The following ELP4 variants were observed in gnomAD, a reference collection of about 807,000 sequenced individuals.
ELP4 encodes the protein elongator acetyltransferase complex subunit 4.
In ELP4, 51 loss-of-function variants were observed where a neutral mutation model predicts 48.9. The ratio of observed to expected loss-of-function variants is 1.04; its 90% CI spans 0.83 to 1.32. The LOEUF is 1.32. Ranked by LOEUF, ELP4 falls within the 40% of genes most tolerant of loss-of-function variation. The probability of loss-of-function intolerance (pLI) is 0.00; values close to 1 mark genes in which losing one functional copy is unlikely to be tolerated. For synonymous variants in ELP4, 210 were observed against 189.2 expected (o/e 1.11, Z -0.90); for missense variants, 519 against 514.6 (o/e 1.01, Z -0.08).
At chr11:31,528,399 A>T (rs1956333724) in intron 2 of ELP4, among the ~76,000 whole-genome samples, 1 of 152,120 alleles carries the variant, frequency 6.6e-6, no homozygotes, top group Admixed American at 6.6e-5. Flanking sequence ...GAAGTAATGG[A>T]AACTCCTCAT....
At chr11:31,544,661 C>T (rs530739684) in intron 3 of ELP4, among the ~76,000 whole-genome samples, 9 of 152,338 alleles carry the variant, frequency 5.9e-5, no homozygotes, top group South Asian at 2.1e-4. Context: ...GTTCTCCCAG[C>T]GCGCAGCTGG....
At chr11:31,756,629 C>T (rs911119218) in intron 9 of ELP4, among the ~76,000 whole-genome samples, 1 of 152,104 alleles carries the variant, frequency 6.6e-6, no homozygotes, top group Admixed American at 6.5e-5. Context: ...CTCCAGCTAG[C>T]TTGTTGCCTT....
chr11:31,573,635 A>ATATTACCTT (rs1957220771), intron 3 of ELP4: 1 of 152,060 alleles, frequency 6.6e-6, no homozygotes, highest in South Asian at 2.1e-4. Context: ...GTAATTAATT[A>ATATTACCTT]ATATAATTAA....
chr11:31,557,582 T>C (rs1956950529), intron 3 of ELP4, among the ~76,000 whole-genome samples: 1 of 152,068 alleles, frequency 6.6e-6, no homozygotes, highest in South Asian at 2.1e-4. Context: ...AGTTTGGTCT[T>C]TCTGAGTGAG....
chr11:31,727,538 G>C (rs780439336), intron 9 of ELP4, among the ~76,000 whole-genome samples: 1 of 152,062 alleles, frequency 6.6e-6, no homozygotes, highest in Non-Finnish European at 1.5e-5. Flanking sequence ...TACTGTGTTC[G>C]CTTACTCTTG....
chr11:31,520,000 G>C, intron 1 of ELP4, 56 bp from the exon 2 acceptor site: 1 of 1,568,168 alleles, frequency 6.4e-7, no homozygotes, highest in Non-Finnish European at 8.7e-7. Flanking sequence ...TAACTTTTAT[G>C]CTAAAGGTAA....
Position 31,688,966 on chromosome 11 carries a change from A to C in ELP4, c.1143+38745A>C, listed in dbSNP as rs779283492. Among the ~76,000 whole-genome samples the C allele has an allele frequency of 2.6e-5, 4 of 152,190 alleles. No homozygotes were observed. In the East Asian group the frequency reaches 7.7e-4, roughly 29 times the overall value. On this transcript the variant is annotated intron_variant, in intron 9 of 9. Coordinates refer to ENST00000640961, the MANE Select transcript of ELP4 (RefSeq NM_019040.5). ...ATATTTGGTTTCTCTAATTTATGGCAATTTGTTAACTTTGTCATTGAGTGG... is the reference window on the plus strand; with the variant it reads ...ATATTTGGTTTCTCTAATTTATGGCCATTTGTTAACTTTGTCATTGAGTGG...
chr11:31,690,616 C>T (rs992385638), intron 9 of ELP4, among the ~76,000 whole-genome samples: 3 of 152,012 alleles, frequency 2.0e-5, no homozygotes, highest in South Asian at 4.1e-4. Flanking sequence ...AGCATAATTC[C>T]GTTAGCTTCC....
chr11:31,707,282 A>G (rs922875689), intron 9 of ELP4: 1 of 323,326 alleles, frequency 3.1e-6, no homozygotes, highest in Non-Finnish European at 5.6e-6. Context: ...AGTTCATGTT[A>G]CTAGCAATAT....
chr11:31,574,465 G>C (rs752459445), intron 3 of ELP4, among the ~76,000 whole-genome samples: 1 of 152,228 alleles, frequency 6.6e-6, no homozygotes, highest in Non-Finnish European at 1.5e-5. Context: ...TTTGAGATCT[G>C]AGAACAGACA....
chr11:31,750,885 T>G (rs1287951912), intron 9 of ELP4, among the ~76,000 whole-genome samples: 1 of 152,204 alleles, frequency 6.6e-6, no homozygotes, highest in Non-Finnish European at 1.5e-5. Flanking sequence ...CACCTTTCCC[T>G]TCTCCAGCCT....
intron 7 of ELP4, among the ~76,000 whole-genome samples, chr11:31,640,097 G>A (rs1463216926): frequency 1.3e-5 from 2 of 151,932 alleles, no homozygotes; most frequent in Non-Finnish European, 2.9e-5. Context: ...GGGAGCAGAA[G>A]GGGGTGTGGG....
intron 9 of ELP4, among the ~76,000 whole-genome samples, chr11:31,742,223 C>A (rs1007400546): frequency 1.3e-5 from 2 of 152,112 alleles, no homozygotes; most frequent in Non-Finnish European, 2.9e-5. Context: ...ACGAACAAAG[C>A]CTACAAGAAA....
chr11:31,620,344 T>G (rs1349019171), intron 5 of ELP4, among the ~76,000 whole-genome samples: 3 of 151,988 alleles, frequency 2.0e-5, no homozygotes, highest in Non-Finnish European at 1.5e-5. Context: ...TTGAAAGAGC[T>G]TATCAAAGCA....
chr11:31,547,682 A>G lies in ELP4; in HGVS notation c.381+7899A>G, dbSNP rs1288799248. Among the ~76,000 whole-genome samples the G allele has an allele frequency of 2.0e-5, 3 of 152,284 alleles. No individual in the cohort carries two copies. In the East Asian group the frequency reaches 5.8e-4, roughly 29 times the overall value. ...ACCAAAGCCGGGCAGAGACACAACCAAAAAAGAGAATTTTAGACCAATATC... is the reference window on the plus strand; with the variant it reads ...ACCAAAGCCGGGCAGAGACACAACCGAAAAAGAGAATTTTAGACCAATATC... On this transcript the variant is annotated intron_variant, in intron 3 of 9. Transcript: ENST00000640961.
At chr11:31,758,370 A>G (rs1469093933) in intron 9 of ELP4, among the ~76,000 whole-genome samples, 2 of 152,186 alleles carry the variant, frequency 1.3e-5, no homozygotes, top group Non-Finnish European at 2.9e-5. Context: ...TTGTATAGCA[A>G]TATAGTGAAG....
chr11:31,762,825 G>C (rs1478259942), intron 9 of ELP4, among the ~76,000 whole-genome samples: 1 of 151,388 alleles, frequency 6.6e-6, no homozygotes, highest in Non-Finnish European at 1.5e-5. Flanking sequence ...AGATAAGTGT[G>C]CTTATTGGAA....
At chr11:31,756,525 C>G (rs553621141) in intron 9 of ELP4, among the ~76,000 whole-genome samples, 77 of 152,214 alleles carry the variant, frequency 5.1e-4, no homozygotes, top group Non-Finnish European at 7.9e-4. Context: ...GCAGTACCTT[C>G]TCCTCAAAGC....
intron 9 of ELP4, among the ~76,000 whole-genome samples, chr11:31,684,110 T>C (rs997765343): frequency 2.6e-5 from 4 of 152,206 alleles, no homozygotes; most frequent in Non-Finnish European, 5.9e-5. Flanking sequence ...TAAATTGGTA[T>C]GTCACTTCTT....
Sources: allele counts gnomAD v4.1 joint callset (sites outside exome capture counted in the v4.1 genomes callset), GRCh38; gene constraint gnomAD v4.1.1; transcripts MANE v1.5; gene names NCBI Gene and HGNC (gene_info 2026-07-23, HGNC 2026-07-21).